BMP6: variants seen among roughly 807,000 people sequenced by gnomAD.
The protein encoded by BMP6 is bone morphogenetic protein 6.
In BMP6, 17 loss-of-function variants were observed where a neutral mutation model predicts 54.1. That is an observed-to-expected ratio of 0.31 (90% CI 0.22 to 0.47). The LOEUF is 0.47. Ranked by LOEUF, BMP6 falls within the 20% of genes least tolerant of loss-of-function variation. The probability of loss-of-function intolerance (pLI) is 1.00; values close to 1 mark genes in which losing one functional copy is unlikely to be tolerated. For missense variants in BMP6, 720 were observed against 690.4 expected (o/e 1.04, Z -0.48); for synonymous variants, 328 against 291.2 (o/e 1.13, Z -1.28).
chr6:7,753,451 T>C (rs1561760242), intron 1 of BMP6, among the ~76,000 whole-genome samples: 1 of 152,194 alleles, frequency 6.6e-6, no homozygotes, highest in African/African-American at 2.4e-5. Flanking sequence ...ATTAGAAACC[T>C]GCATTTACAA....
chr6:7,732,899 A>ATTT (rs11333377), intron 1 of BMP6, among the ~76,000 whole-genome samples: 3 of 148,184 alleles, frequency 2.0e-5, no homozygotes, highest in African/African-American at 7.5e-5. Context: ...CTAGGGAATG[A>ATTT]TTTTTTTTTT....
chr6:7,845,266 T>C lies in BMP6; in HGVS notation c.791T>C (p.Met264Thr), dbSNP rs1759043970. The part of the protein sequence containing the change: ...AEFRIYKDCV[M>T]GSFKNQTFLI... Reference sequence around the variant, plus strand: ...TTCCGCATCTACAAGGACTGTGTTATGGGGAGTTTTAAAAACCAAACTTTT... The same window carrying C: ...TTCCGCATCTACAAGGACTGTGTTACGGGGAGTTTTAAAAACCAAACTTTT... Residue 264 changes from methionine to threonine, a missense_variant, in exon 2 of 7, where the codon ATG becomes ACG. Met to Thr is a moderately conservative substitution (Grantham distance 81). Around this residue, in one of 3 missense-constraint regions of BMP6, gnomAD observed 650 missense variants for 556.3 expected, o/e 1.17. Coordinates refer to ENST00000283147, the MANE Select transcript of BMP6 (RefSeq NM_001718.6). 5 of 1,614,024 alleles carry C rather than the reference T, an allele frequency of 3.1e-6. No individual in the cohort carries two copies. The highest frequency in any genetic ancestry group is 1.3e-5 in the African/African-American group (1 of 74,916).
chr6:7,758,887 G>A (rs1340539562), intron 1 of BMP6, among the ~76,000 whole-genome samples: 1 of 152,216 alleles, frequency 6.6e-6, no homozygotes, highest in Non-Finnish European at 1.5e-5. Context: ...TGTGGTTGGA[G>A]GGGAGTCGGT....
At chr6:7,771,538 G>A (rs1485716775) in intron 1 of BMP6, among the ~76,000 whole-genome samples, 4 of 152,266 alleles carry the variant, frequency 2.6e-5, no homozygotes, top group Admixed American at 1.3e-4. Context: ...GTTACATAAC[G>A]TTTTTCCTAG....
intron 1 of BMP6, among the ~76,000 whole-genome samples, chr6:7,746,332 G>T (rs982653539): frequency 3.9e-5 from 6 of 152,168 alleles, no homozygotes; most frequent in Non-Finnish European, 5.9e-5. Context: ...CAACTTTTTA[G>T]TAAGACTGTG....
chr6:7,880,762 A>G lies in BMP6; in HGVS notation c.*419A>G. The G allele has an allele frequency of 4.7e-6, 1 of 213,188 alleles. No homozygotes were observed. Among genetic ancestry groups the G allele is most frequent in the East Asian group, 1.1e-4 (1 of 9,394 alleles). The allele number at this position is 213,188 out of a possible 1,614,324, so 13.2% of individuals were successfully genotyped here. ...AGGATCAGCTGGTTCAGTACTGTCT[A>G]TCAAAGGTAGATTTTACAGAGAACA... On this transcript the variant is annotated 3_prime_UTR_variant, in exon 7 of 7. Coordinates refer to ENST00000283147, the MANE Select transcript of BMP6 (RefSeq NM_001718.6).
At chr6:7,802,419 C>T (rs1340325573) in intron 1 of BMP6, among the ~76,000 whole-genome samples, 3 of 152,222 alleles carry the variant, frequency 2.0e-5, no homozygotes, top group Non-Finnish European at 4.4e-5. Flanking sequence ...GAGCAGCATT[C>T]AGAGACCAAT....
intron 1 of BMP6, among the ~76,000 whole-genome samples, chr6:7,797,410 G>A (rs1758207059): frequency 6.6e-6 from 1 of 152,174 alleles, no homozygotes; most frequent in Non-Finnish European, 1.5e-5. Flanking sequence ...ATTCTAAGAG[G>A]TGATGTATTT....
intron 4 of BMP6, among the ~76,000 whole-genome samples, chr6:7,874,538 T>C (rs989075236): frequency 5.9e-5 from 9 of 152,162 alleles, no homozygotes; most frequent in Non-Finnish European, 1.0e-4. Flanking sequence ...GGAAGATCAC[T>C]TGAGCCCAGG....
chr6:7,793,512 A>G (rs1030625822), intron 1 of BMP6, among the ~76,000 whole-genome samples: 3 of 152,090 alleles, frequency 2.0e-5, no homozygotes, highest in Admixed American at 6.5e-5. Flanking sequence ...TCTAATGTCA[A>G]CTGTGGACCT....
At chr6:7,758,133 G>A (rs537872744) in intron 1 of BMP6, among the ~76,000 whole-genome samples, 33 of 152,310 alleles carry the variant, frequency 2.2e-4, no homozygotes, top group African/African-American at 5.8e-4. Context: ...TGGGGAAGAT[G>A]CCAATCAAAC....
In BMP6 at chr6:7,853,396, A is replaced by G. The variant is rs889393104; in HGVS notation, c.858-8055A>G. On this transcript the variant is annotated intron_variant, in intron 2 of 6. Transcript: ENST00000283147. Reference sequence around the variant, plus strand: ...GTCCTGGAAACAAGATCGGGACCCAATGTTGATCCATTTCCAGGATGGAGG... The same window carrying G: ...GTCCTGGAAACAAGATCGGGACCCAGTGTTGATCCATTTCCAGGATGGAGG... 4.6e-5 allele frequency among the ~76,000 whole-genome samples: 7 copies of G among 152,200 alleles called. No homozygotes were observed. The South Asian group carries it at 1.0e-3, about 23-fold the overall frequency.
intron 1 of BMP6, among the ~76,000 whole-genome samples, chr6:7,808,981 C>T (rs922639609): frequency 1.3e-5 from 2 of 151,062 alleles, no homozygotes; most frequent in South Asian, 2.1e-4. Flanking sequence ...ATCCGCTTCC[C>T]GTGAGCACTT....
At chr6:7,833,930 A>G (rs1313387863) in intron 1 of BMP6, among the ~76,000 whole-genome samples, 4 of 152,210 alleles carry the variant, frequency 2.6e-5, no homozygotes, top group African/African-American at 9.6e-5. Flanking sequence ...AACAAAAGCA[A>G]ACTTGCCTAA....
chr6:7,803,884 G>T (rs1434733185), intron 1 of BMP6, among the ~76,000 whole-genome samples: 1 of 152,066 alleles, frequency 6.6e-6, no homozygotes. Flanking sequence ...TAGATTGGAT[G>T]AAATATGGTA....
At chr6:7,874,329 G>A (rs141279417) in intron 4 of BMP6, among the ~76,000 whole-genome samples, 1 of 152,318 alleles carries the variant, frequency 6.6e-6, no homozygotes, top group East Asian at 1.9e-4. Context: ...CCACATGGTT[G>A]TTCCTGGAAT....
intron 1 of BMP6, among the ~76,000 whole-genome samples, chr6:7,733,006 C>T (rs1761893504): frequency 1.3e-5 from 2 of 151,850 alleles, no homozygotes; most frequent in Non-Finnish European, 2.9e-5. Context: ...TCAATCAATT[C>T]TCCTGTGTCA....
chr6:7,876,909 AGTTTTGTTATT>A (rs1759629996), intron 4 of BMP6, among the ~76,000 whole-genome samples: 4 of 140,326 alleles, frequency 2.9e-5, no homozygotes, highest in African/African-American at 1.1e-4. Flanking sequence ...TTTTGTTTTT[AGTTTTGTTATT>A]GTTTTGTTTT....
At chr6:7,814,835 G>T (rs115040982) in intron 1 of BMP6, among the ~76,000 whole-genome samples, 5 of 152,260 alleles carry the variant, frequency 3.3e-5, no homozygotes, top group Admixed American at 1.3e-4. Context: ...AGGCAGGGGA[G>T]GGGGAGAGCA....
Sources: allele counts gnomAD v4.1 joint callset (sites outside exome capture counted in the v4.1 genomes callset), GRCh38; gene constraint gnomAD v4.1.1; regional missense constraint gnomAD v4.1.1; transcripts MANE v1.5; gene names NCBI Gene and HGNC (gene_info 2026-07-23, HGNC 2026-07-21).